OR2L13: variants seen among roughly 807,000 people sequenced by gnomAD.
OR2L13 encodes the protein olfactory receptor family 2 subfamily L member 13, also known as olfactory receptor 2L13.
Under a neutral mutation model 15.3 loss-of-function variants are expected in OR2L13, and 14 were observed. That is an observed-to-expected ratio of 0.91 (90% CI 0.60 to 1.43). The LOEUF (loss-of-function observed/expected upper bound fraction) is 1.43, where lower values mean the gene tolerates loss of function less well. OR2L13 is among the 40% of genes most tolerant of loss of function. The pLI is 0.00. For synonymous variants in OR2L13, 152 were observed against 142.9 expected, an observed-to-expected ratio of 1.06 and a Z score of -0.45; for missense variants, 367 against 387.9, an observed-to-expected ratio of 0.95 and a Z score of 0.45.
At chr1:248,058,270 A>G in the OR2L13 span, among the ~76,000 whole-genome samples, 11 of 152,304 alleles carry the variant, frequency 7.2e-5, no homozygotes, top group African/African-American at 2.6e-4. Context: ...ATATTTGTCC[A>G]TGTATTTTCA....
chr1:248,072,571 G>A, the OR2L13 span, among the ~76,000 whole-genome samples: 353 of 152,078 alleles, frequency 2.3e-3, no homozygotes, highest in African/African-American at 8.0e-3. Context: ...GCATGGGCAA[G>A]GACTTCATGT....
chr1:248,099,938 G>A (rs1558224076), exon 3 of OR2L13: 3 of 1,613,958 alleles, frequency 1.9e-6, no homozygotes, highest in Non-Finnish European at 1.7e-6. Flanking sequence ...CTTCTTGCCT[G>A]TACAGATACT....
the OR2L13 span, among the ~76,000 whole-genome samples, chr1:247,951,973 T>TTGTGTGTG: frequency 6.7e-6 from 1 of 150,092 alleles, no homozygotes. Flanking sequence ...GTGTGTGTGT[T>TTGTGTGTG]TGTGTGTGTG....
At chr1:248,038,501 A>T in the OR2L13 span, 1 of 1,613,878 alleles carries the variant, frequency 6.2e-7, no homozygotes, top group African/African-American at 1.3e-5. Flanking sequence ...CCATTGTTCC[A>T]AAGATGGTTT....
chr1:248,051,041 T>G, the OR2L13 span: 1 of 152,232 alleles, frequency 6.6e-6, no homozygotes, highest in Non-Finnish European at 1.5e-5. Flanking sequence ...CCATTTTAAG[T>G]GTAGAATTCT....
the OR2L13 span, among the ~76,000 whole-genome samples, chr1:248,047,330 G>C: frequency 6.6e-6 from 1 of 150,804 alleles, no homozygotes; most frequent in African/African-American, 2.5e-5. Flanking sequence ...TTCTCACTTT[G>C]TATTTTACCT....
chr1:247,957,352 T>A, the OR2L13 span, among the ~76,000 whole-genome samples: 18 of 152,176 alleles, frequency 1.2e-4, no homozygotes, highest in African/African-American at 4.1e-4. Flanking sequence ...TGCCAGTATT[T>A]TACTGAGGAT....
chr1:248,032,397 A>G, the OR2L13 span, among the ~76,000 whole-genome samples: 3 of 152,132 alleles, frequency 2.0e-5, no homozygotes, highest in African/African-American at 7.2e-5. Context: ...TTAAGTGTTC[A>G]GGTCTGTGGC....
At chr1:248,034,301 C>T in the OR2L13 span, among the ~76,000 whole-genome samples, 1 of 152,038 alleles carries the variant, frequency 6.6e-6, no homozygotes, top group Non-Finnish European at 1.5e-5. Flanking sequence ...AGACAATTCT[C>T]AAATTCATAT....
At chr1:247,983,992 C>A in the OR2L13 span, among the ~76,000 whole-genome samples, 1 of 151,974 alleles carries the variant, frequency 6.6e-6, no homozygotes, top group African/African-American at 2.4e-5. Context: ...CTTTTCTACC[C>A]GGTGGTCTGG....
At chr1:248,066,594 A>G in the OR2L13 span, among the ~76,000 whole-genome samples, 2 of 152,176 alleles carry the variant, frequency 1.3e-5, no homozygotes, top group African/African-American at 4.8e-5. Context: ...TTGGGACTTA[A>G]TCTCAGCTAT....
chr1:248,090,808 G>T (rs892224005), upstream of OR2L13, among the ~76,000 whole-genome samples: 2 of 152,158 alleles, frequency 1.3e-5, no homozygotes, highest in African/African-American at 2.4e-5. Flanking sequence ...AAGTAATATT[G>T]AGATGGGTGG....
chr1:248,099,908 G>T, exon 3 of OR2L13: 1 of 1,614,100 alleles, frequency 6.2e-7, no homozygotes, highest in African/African-American at 1.3e-5. Context: ...CATTTCTTCT[G>T]CGATGTCCCA....
chr1:248,087,431 G>A, the OR2L13 span: 78 of 152,122 alleles, frequency 5.1e-4, 1 homozygote, highest in African/African-American at 1.5e-3. Flanking sequence ...TAATAAATAC[G>A]AGTAATTTGA....
the OR2L13 span, among the ~76,000 whole-genome samples, chr1:247,992,747 T>C: frequency 6.6e-6 from 1 of 152,184 alleles, no homozygotes; most frequent in Admixed American, 6.5e-5. Flanking sequence ...ATGGTGTATA[T>C]GTAGCATATT....
At chr1:248,041,690 G>A in the OR2L13 span, 1 of 152,092 alleles carries the variant, frequency 6.6e-6, no homozygotes, top group Non-Finnish European at 1.5e-5. Context: ...CCATCAAAAA[G>A]TGGGTGAAGG....
At chr1:248,049,356 A>T in the OR2L13 span, among the ~76,000 whole-genome samples, 32 of 152,220 alleles carry the variant, frequency 2.1e-4, no homozygotes, top group Non-Finnish European at 3.4e-4. Context: ...TGACTTCAAA[A>T]GTTAGTAATA....
At chr1:248,064,142 G>T in the OR2L13 span, among the ~76,000 whole-genome samples, 151,680 of 152,274 alleles carry the variant, frequency 1, 75,547 homozygotes, top group Middle Eastern at 1. Context: ...TCTGGGTGTT[G>T]CTATCCTCCC....
At chr1:248,093,273 C>T (rs376452577), upstream of OR2L13, among the ~76,000 whole-genome samples, 1 of 152,070 alleles carries the variant, frequency 6.6e-6, no homozygotes, top group Non-Finnish European at 1.5e-5. Flanking sequence ...CATACTGTGA[C>T]GTGGCAAAAG....
Sources: allele counts gnomAD v4.1 joint callset (sites outside exome capture counted in the v4.1 genomes callset), GRCh38; gene constraint gnomAD v4.1.1; transcripts MANE v1.5; gene names NCBI Gene and HGNC (gene_info 2026-07-23, HGNC 2026-07-21).